Variants in PPP2R3A observed in about 807,000 individuals in gnomAD.
PPP2R3A encodes the protein serine/threonine-protein phosphatase 2A regulatory subunit B'' subunit alpha.
A neutral mutation model predicts 106.9 loss-of-function variants in PPP2R3A; 80 were observed. The observed-to-expected ratio is 0.75, with a 90% CI of 0.62 to 0.90. The LOEUF (loss-of-function observed/expected upper bound fraction) is 0.90. Among genes scored for constraint, PPP2R3A ranks in the 40% least tolerant of loss-of-function variants. The pLI, the probability that PPP2R3A is intolerant of heterozygous loss-of-function variation, is 0.00. For missense variants in PPP2R3A, 1,386 were observed against 1,350.4 expected, an observed-to-expected ratio of 1.03 and a Z score of -0.41; for synonymous variants, 483 against 468.3, an observed-to-expected ratio of 1.03 and a Z score of -0.41.
chr3:136,094,952 C>T (rs1263290618), intron 10 of PPP2R3A, among the ~76,000 whole-genome samples: 2 of 152,172 alleles, frequency 1.3e-5, no homozygotes, highest in African/African-American at 4.8e-5. Flanking sequence ...GACCCAAAAT[C>T]AGTAACAAAA....
Position 136,002,073 on chromosome 3 carries a change from CACTG to C in PPP2R3A, c.576_579del (p.Leu193IlefsTer4). On this transcript the variant is annotated frameshift_variant, in exon 2 of 14. Transcript: ENST00000264977. LOFTEE classifies it high-confidence loss of function. ...GAAAAACCTTTGTCTCATAGAAACT[CACTG>C]GATACGAACCTGACTTCCATGTTTC... 6.2e-7 allele frequency: 1 copy of C among 1,614,062 alleles called. No individual in the cohort carries two copies. Among genetic ancestry groups the C allele is most frequent in the Non-Finnish European group, 8.5e-7 (1 of 1,179,998 alleles).
intron 2 of PPP2R3A, among the ~76,000 whole-genome samples, chr3:136,020,499 C>T (rs9289503): frequency 0.29 from 43,864 of 151,846 alleles, 6,668 homozygotes; most frequent in Non-Finnish European, 0.32. Context: ...TTCTAAACTT[C>T]AGTGATTTTT....
At chr3:135,975,716 G>C (rs1334053104) in intron 1 of PPP2R3A, among the ~76,000 whole-genome samples, 1 of 152,106 alleles carries the variant, frequency 6.6e-6, no homozygotes, top group Non-Finnish European at 1.5e-5. Flanking sequence ...ATGTGTGAAT[G>C]TTTATATTGC....
intron 13 of PPP2R3A, among the ~76,000 whole-genome samples, chr3:136,128,238 G>C (rs1938259431): frequency 6.6e-6 from 1 of 151,682 alleles, no homozygotes; most frequent in Non-Finnish European, 1.5e-5. Flanking sequence ...AAAGAGTCAA[G>C]ACCCACTGGT....
chr3:136,060,493 C>A (rs1936038820), intron 5 of PPP2R3A, among the ~76,000 whole-genome samples: 1 of 152,128 alleles, frequency 6.6e-6, no homozygotes, highest in Non-Finnish European at 1.5e-5. Flanking sequence ...CTAGTGCTGT[C>A]TCATACAGTT....
At chr3:136,041,411 C>G (rs1935284357) in intron 4 of PPP2R3A, among the ~76,000 whole-genome samples, 1 of 151,848 alleles carries the variant, frequency 6.6e-6, no homozygotes, top group Non-Finnish European at 1.5e-5. Context: ...GCAGGCACCA[C>G]CACACCTGGC....
chr3:136,122,653 T>C (rs1938039641), intron 13 of PPP2R3A, among the ~76,000 whole-genome samples: 1 of 152,188 alleles, frequency 6.6e-6, no homozygotes, highest in Non-Finnish European at 1.5e-5. Flanking sequence ...AATCTATTTA[T>C]ACATACACAC....
intron 1 of PPP2R3A, among the ~76,000 whole-genome samples, chr3:135,990,295 C>T (rs1933105709): frequency 6.6e-6 from 1 of 152,104 alleles, no homozygotes; most frequent in Admixed American, 6.6e-5. Flanking sequence ...TGAAGACCTT[C>T]TCTGCTCACT....
At chr3:136,035,301 A>G (rs962852030) in intron 3 of PPP2R3A, among the ~76,000 whole-genome samples, 15 of 152,030 alleles carry the variant, frequency 9.9e-5, no homozygotes, top group Non-Finnish European at 2.9e-5. Flanking sequence ...TGTTTTTTAA[A>G]TTGCATTTTT....
At chr3:136,041,046 C>G in intron 4 of PPP2R3A, 84 bp downstream of exon 4, 1 of 1,087,446 alleles carries the variant, frequency 9.2e-7, no homozygotes, top group African/African-American at 1.6e-5. Context: ...ACCTATTTTA[C>G]TCATTTATAC....
intron 13 of PPP2R3A, among the ~76,000 whole-genome samples, chr3:136,123,665 T>C (rs6781817): frequency 0.082 from 12,513 of 152,238 alleles, 656 homozygotes; most frequent in African/African-American, 0.15. Context: ...ACATAAATAT[T>C]CCTGCTTCAC....
intron 1 of PPP2R3A, among the ~76,000 whole-genome samples, chr3:135,999,027 G>T (rs1933513637): frequency 6.6e-6 from 1 of 152,166 alleles, no homozygotes; most frequent in Admixed American, 6.5e-5. Flanking sequence ...ACTCCCAATA[G>T]CTGCTGTGCT....
intron 3 of PPP2R3A, among the ~76,000 whole-genome samples, chr3:136,033,773 C>T (rs1559880168): frequency 6.6e-6 from 1 of 151,984 alleles, no homozygotes; most frequent in Non-Finnish European, 1.5e-5. Flanking sequence ...GATTTTCTCT[C>T]TTCTTTTCTT....
At chr3:136,106,687 C>T (rs1017253940) in intron 13 of PPP2R3A, 19 of 191,900 alleles carry the variant, frequency 9.9e-5, no homozygotes, top group Non-Finnish European at 3.2e-5. Context: ...TTTGGGAGGC[C>T]GAGGCGGGTG....
intron 13 of PPP2R3A, among the ~76,000 whole-genome samples, chr3:136,113,744 G>C (rs1341660435): frequency 2.0e-5 from 3 of 151,472 alleles, no homozygotes; most frequent in South Asian, 2.1e-4. Context: ...GCAGTGAGTT[G>C]AGATCGCACC....
intron 1 of PPP2R3A, among the ~76,000 whole-genome samples, chr3:135,969,233 A>G (rs926227465): frequency 9.2e-5 from 14 of 152,230 alleles, no homozygotes; most frequent in African/African-American, 3.1e-4. Flanking sequence ...GCTGCCCCTA[A>G]TTAAGGTTAC....
chr3:136,049,255 A>G lies in PPP2R3A; in HGVS notation c.2367-4A>G, dbSNP rs200057469. 5 of 1,602,640 alleles carry G rather than the reference A, an allele frequency of 3.1e-6. No individual in the cohort carries two copies. The highest frequency in any genetic ancestry group is 2.7e-5 in the African/African-American group (2 of 74,574). The stretch of plus-strand genomic sequence containing the variant: ...ATCTTCCTAAGCAGTTGTTTCTTTT[A>G]TAGGTTGCTGAATAACCATCATGAT... On this transcript the variant is annotated splice_polypyrimidine_tract_variant and splice_region_variant and intron_variant, in intron 4 of 13. Coordinates refer to ENST00000264977, the MANE Select transcript of PPP2R3A (RefSeq NM_002718.5).
intron 5 of PPP2R3A, chr3:136,055,756 G>A: frequency 1.5e-6 from 1 of 650,982 alleles, no homozygotes; most frequent in Admixed American, 2.5e-5. Flanking sequence ...ATGGAATGTG[G>A]TGATGAGAAT....
At chr3:136,120,100 A>G (rs1226523526) in intron 13 of PPP2R3A, among the ~76,000 whole-genome samples, 5 of 124,380 alleles carry the variant, frequency 4.0e-5, no homozygotes, top group Admixed American at 9.6e-5. Flanking sequence ...AAACTAACAC[A>G]GGGAGAGGGA....
Sources: allele counts gnomAD v4.1 joint callset (sites outside exome capture counted in the v4.1 genomes callset), GRCh38; gene constraint gnomAD v4.1.1; transcripts MANE v1.5; gene names NCBI Gene and HGNC (gene_info 2026-07-23, HGNC 2026-07-21).